Variants in LAMA3 observed in about 807,000 individuals in gnomAD.
LAMA3 encodes the protein laminin subunit alpha 3.
A neutral mutation model predicts 402.0 loss-of-function variants in LAMA3; 281 were observed. The ratio of observed to expected loss-of-function variants is 0.70; its 90% CI spans 0.63 to 0.77. LAMA3 has a LOEUF of 0.77. LAMA3 is among the 30% of genes least tolerant of loss of function. The pLI is 0.00. For missense variants in LAMA3, 3,840 were observed against 4,215.5 expected, an observed-to-expected ratio of 0.91 and a Z score of 2.47; for synonymous variants, 1,431 against 1,558.4, an observed-to-expected ratio of 0.92 and a Z score of 1.93.
chr18:23,795,754 C>G (rs1207807363), intron 12 of LAMA3, among the ~76,000 whole-genome samples: 3 of 151,482 alleles, frequency 2.0e-5, no homozygotes, highest in Non-Finnish European at 2.9e-5. Flanking sequence ...ACTCTGCTAT[C>G]TTGTATATTG....
At chr18:23,723,455 A>G (rs1253182864) in intron 2 of LAMA3, among the ~76,000 whole-genome samples, 3 of 152,188 alleles carry the variant, frequency 2.0e-5, no homozygotes, top group Non-Finnish European at 4.4e-5. Flanking sequence ...GACCAAAACT[A>G]TATGTAAACT....
chr18:23,875,872 G>A (rs146644544), intron 38 of LAMA3, among the ~76,000 whole-genome samples: 9 of 152,120 alleles, frequency 5.9e-5, no homozygotes, highest in East Asian at 3.9e-4. Context: ...ATCTCCACAC[G>A]TGCCCTGTCT....
chr18:23,788,365 AT>A (rs1288784489), intron 12 of LAMA3, among the ~76,000 whole-genome samples: 1 of 152,002 alleles, frequency 6.6e-6, no homozygotes, highest in Non-Finnish European at 1.5e-5. Context: ...ACTAATGTAG[AT>A]TTCTTTTTGT....
chr18:23,819,858 A>G lies in LAMA3; in HGVS notation c.2165A>G (p.Tyr722Cys), dbSNP rs768013946. The G allele has an allele frequency of 2.5e-6, 4 of 1,613,984 alleles. No individual in the cohort carries two copies. The highest frequency in any genetic ancestry group is 1.7e-5 in the Admixed American group (1 of 60,012). ...TATGAAAGGCCTGAAAACAACTACT[A>G]TTTCCCAGATTTGCATCATATGAAG... ...KVCQRPENNY[Y>C]FPDLHHMKYE... Residue 722 changes from tyrosine to cysteine, a missense_variant, in exon 19 of 75, where the codon TAT (tyrosine) becomes TGT (cysteine). Coordinates refer to ENST00000313654, the MANE Select transcript of LAMA3 (RefSeq NM_198129.4).
intron 2 of LAMA3, among the ~76,000 whole-genome samples, chr18:23,737,049 T>TG (rs1201493136): frequency 6.6e-6 from 1 of 151,700 alleles, no homozygotes; most frequent in Non-Finnish European, 1.5e-5. Context: ...CCTCCTCCAG[T>TG]GGGCAGAGTA....
chr18:23,742,173 CA>C (rs2061574721), intron 2 of LAMA3, among the ~76,000 whole-genome samples: 1 of 152,236 alleles, frequency 6.6e-6, no homozygotes, highest in East Asian at 1.9e-4. Context: ...ATAAAATAAG[CA>C]GACAAATTCA....
intron 1 of LAMA3, among the ~76,000 whole-genome samples, chr18:23,697,688 A>C (rs2060708310): frequency 6.8e-6 from 1 of 147,970 alleles, no homozygotes; most frequent in Non-Finnish European, 1.5e-5. Flanking sequence ...TAATATAAAT[A>C]TTCCAATACC....
At chr18:23,794,604 C>G (rs1419316561) in intron 12 of LAMA3, among the ~76,000 whole-genome samples, 1 of 152,174 alleles carries the variant, frequency 6.6e-6, no homozygotes, top group Non-Finnish European at 1.5e-5. Flanking sequence ...TTTCTACTTA[C>G]TTTCTGTTCT....
chr18:23,828,517 A>G (rs917723807), intron 23 of LAMA3, among the ~76,000 whole-genome samples: 9 of 152,202 alleles, frequency 5.9e-5, no homozygotes, highest in South Asian at 2.1e-4. Flanking sequence ...ATACATGTAT[A>G]TAGGTGTACA....
chr18:23,953,325 GTTTT>G (rs60412950), intron 74 of LAMA3, among the ~76,000 whole-genome samples: 2 of 133,988 alleles, frequency 1.5e-5, no homozygotes, highest in African/African-American at 5.6e-5. Context: ...CTGTAATTTT[GTTTT>G]TTTTTTTTGT....
At chr18:23,823,220 C>T (rs2063321335) in intron 20 of LAMA3, among the ~76,000 whole-genome samples, 1 of 152,116 alleles carries the variant, frequency 6.6e-6, no homozygotes, top group South Asian at 2.1e-4. Flanking sequence ...TAATTTAGCA[C>T]CCATTGCCTC....
At chr18:23,856,823 A>G (rs1410202756) in intron 32 of LAMA3, among the ~76,000 whole-genome samples, 1 of 152,102 alleles carries the variant, frequency 6.6e-6, no homozygotes, top group African/African-American at 2.4e-5. Flanking sequence ...TACAGTTCCC[A>G]GAAACCTCAC....
At chr18:23,884,976 G>T in intron 41 of LAMA3, 123 bp downstream of exon 41, 1 of 626,840 alleles carries the variant, frequency 1.6e-6, no homozygotes, top group Non-Finnish European at 2.8e-6. Context: ...CCTGGAAAAA[G>T]GTCTCTTGGG....
At chr18:23,696,078 G>A (rs975663532) in intron 1 of LAMA3, among the ~76,000 whole-genome samples, 6 of 152,112 alleles carry the variant, frequency 3.9e-5, no homozygotes, top group African/African-American at 1.4e-4. Context: ...TCCCTATGTC[G>A]TGGGATTGGC....
In LAMA3 at chr18:23,782,682, T is replaced by G. The variant is rs578111167; in HGVS notation, c.1469-1341T>G. ...TTAAAATCATTCTCAACTTGTATTTTTAGTATAATAGAAAGACCATGGGCT... is the reference window on the plus strand; with the variant it reads ...TTAAAATCATTCTCAACTTGTATTTGTAGTATAATAGAAAGACCATGGGCT... On this transcript the variant is annotated intron_variant, in intron 11 of 74. Transcript: ENST00000313654. Among the ~76,000 whole-genome samples the G allele has an allele frequency of 2.5e-3, 386 of 152,316 alleles. 2 individuals carry two copies. The highest frequency in any genetic ancestry group is 9.0e-3 in the African/African-American group (374 of 41,568).
Position 23,749,552 on chromosome 18 carries a change from T to A in LAMA3, c.684+6T>A. On this transcript the variant is annotated splice_donor_region_variant and intron_variant, in intron 4 of 74. Transcript: ENST00000313654. The stretch of plus-strand genomic sequence containing the variant: ...TACCTTTGGAAAATGGTGAGGTAAG[T>A]AGATTTGGAAGACTGGGAGAGATAA... 1 of 1,494,376 alleles carries A rather than the reference T, an allele frequency of 6.7e-7. No homozygotes were observed. The highest frequency in any genetic ancestry group is 9.3e-7 in the Non-Finnish European group (1 of 1,070,784). 92.6% of individuals were successfully genotyped at this position (1,494,376 alleles called of 1,614,324 possible). A position where few individuals can be genotyped will look rare whatever the true frequency, so the allele number is the denominator to read the frequency against.
At chr18:23,816,600 A>G (rs1598850720) in intron 18 of LAMA3, 113 bp downstream of exon 18, 3 of 838,852 alleles carry the variant, frequency 3.6e-6, no homozygotes, top group East Asian at 2.6e-5. Context: ...GATCGAGGTC[A>G]GGGGAAGCTG....
At chr18:23,893,716 C>T (rs1371460064) in intron 42 of LAMA3, among the ~76,000 whole-genome samples, 7 of 152,184 alleles carry the variant, frequency 4.6e-5, no homozygotes, top group African/African-American at 1.4e-4. Flanking sequence ...GTCTGCCCCC[C>T]GTGTTTCATG....
At chr18:23,897,314 A>G (rs1426521926) in intron 44 of LAMA3, among the ~76,000 whole-genome samples, 1 of 152,262 alleles carries the variant, frequency 6.6e-6, no homozygotes, top group African/African-American at 2.4e-5. Flanking sequence ...AGATTATTCT[A>G]GAAAAATGAC....
Sources: gnomAD v4.1 joint callset for allele counts (sites outside exome capture counted in the v4.1 genomes callset) on GRCh38, gnomAD v4.1.1 for gene constraint, MANE v1.5 for transcripts, NCBI Gene and HGNC (gene_info 2026-07-23, HGNC 2026-07-21) for gene names.